The following KIAA1217 variants were observed in gnomAD, a reference collection of about 807,000 sequenced individuals.
KIAA1217 encodes the protein KIAA1217.
In KIAA1217, 88 loss-of-function variants were observed where a neutral mutation model predicts 163.9. That is an observed-to-expected ratio of 0.54 (90% CI 0.45 to 0.64). KIAA1217 has a LOEUF of 0.64. KIAA1217 is among the 30% of genes least tolerant of loss of function. The pLI is 0.00. For missense variants in KIAA1217, 2,372 were observed against 2,475.0 expected, an observed-to-expected ratio of 0.96 and a Z score of 0.88; for synonymous variants, 903 against 923.1, an observed-to-expected ratio of 0.98 and a Z score of 0.39.
intron 2 of KIAA1217, among the ~76,000 whole-genome samples, chr10:24,234,293 C>A (rs1225874549): frequency 2.0e-5 from 3 of 151,682 alleles, no homozygotes; most frequent in Non-Finnish European, 4.4e-5. Flanking sequence ...AAATCTGAAA[C>A]CTGAAACACC....
chr10:24,230,411 C>T (rs1410244409), intron 2 of KIAA1217, among the ~76,000 whole-genome samples: 2 of 151,190 alleles, frequency 1.3e-5, no homozygotes, highest in Non-Finnish European at 2.9e-5. Flanking sequence ...TGGAGCTTTT[C>T]AGATATTGAA....
At chr10:24,183,016 C>T (rs1048914565) in intron 2 of KIAA1217, among the ~76,000 whole-genome samples, 5 of 152,160 alleles carry the variant, frequency 3.3e-5, no homozygotes, top group Admixed American at 6.5e-5. Context: ...AGGCTTAGTG[C>T]CATTCTTGTC....
Position 24,235,241 on chromosome 10 carries a change from C to T in KIAA1217, c.354+15332C>T, listed in dbSNP as rs566709306. ...AGCAACATCTACACTGGTGTTTGAC[C>T]GAACAACTGGGCACCATAACCTGGC... On this transcript the variant is annotated intron_variant, in intron 2 of 20. Transcript: ENST00000376454. Among the ~76,000 whole-genome samples, 5 of 152,284 alleles carry T rather than the reference C, an allele frequency of 3.3e-5. No individual in the cohort carries two copies. In the South Asian group the frequency reaches 6.2e-4, roughly 19 times the overall value.
intron 1 of KIAA1217, among the ~76,000 whole-genome samples, chr10:23,754,282 G>A (rs1833810239): frequency 6.6e-6 from 1 of 152,196 alleles, no homozygotes; most frequent in East Asian, 1.9e-4. Context: ...AAAGGAAAGG[G>A]ACATTTCCCA....
chr10:24,538,129 AGCT>A (rs2074307618), intron 17 of KIAA1217, among the ~76,000 whole-genome samples: 1 of 152,228 alleles, frequency 6.6e-6, no homozygotes. Flanking sequence ...CATGTACGAC[AGCT>A]CAAGGAGGTA....
chr10:23,986,912 G>A (rs754803179), intron 1 of KIAA1217, among the ~76,000 whole-genome samples: 3 of 152,132 alleles, frequency 2.0e-5, no homozygotes, highest in Admixed American at 6.5e-5. Flanking sequence ...GAATACAACG[G>A]TTAGCAAAGT....
chr10:24,244,709 C>T (rs2073561500), intron 2 of KIAA1217, among the ~76,000 whole-genome samples: 1 of 151,898 alleles, frequency 6.6e-6, no homozygotes. Flanking sequence ...AGATTATAGG[C>T]ATGTGCTACC....
chr10:24,228,341 T>C (rs1486794612), intron 2 of KIAA1217, among the ~76,000 whole-genome samples: 2 of 152,030 alleles, frequency 1.3e-5, no homozygotes, highest in East Asian at 1.9e-4. Flanking sequence ...GCTGATGTAT[T>C]AATCAGGATT....
chr10:24,251,322 C>T (rs535262856), intron 2 of KIAA1217, among the ~76,000 whole-genome samples: 1 of 143,054 alleles, frequency 7.0e-6, no homozygotes, highest in Non-Finnish European at 1.5e-5. Flanking sequence ...ATCCCTTGAG[C>T]TTGGGAGATC....
chr10:23,882,138 C>A (rs1403114834), intron 1 of KIAA1217, among the ~76,000 whole-genome samples: 1 of 151,956 alleles, frequency 6.6e-6, no homozygotes, highest in Non-Finnish European at 1.5e-5. Context: ...AAACCCACCA[C>A]AATTTTGAGG....
chr10:24,205,599 C>T (rs1023786419), upstream of KIAA1217, among the ~76,000 whole-genome samples: 3 of 151,776 alleles, frequency 2.0e-5, no homozygotes, highest in Non-Finnish European at 4.4e-5. Context: ...CGGTGAAACC[C>T]CATCTCTACT....
At chr10:24,202,262 T>A (rs1049107902) in intron 2 of KIAA1217, among the ~76,000 whole-genome samples, 4 of 152,192 alleles carry the variant, frequency 2.6e-5, no homozygotes, top group Non-Finnish European at 5.9e-5. Flanking sequence ...CAGTGTTTAT[T>A]TGGCAGAGAA....
At chr10:24,205,302 CAAAAAAAAAAAAAA>C (rs61292023), upstream of KIAA1217, among the ~76,000 whole-genome samples, 2 of 36,610 alleles carry the variant, frequency 5.5e-5, no homozygotes, top group Non-Finnish European at 1.1e-4. Context: ...ACTAAAAATA[CAAAAAAAAAAAAAA>C]AAAAAAAAAA....
At position 24,494,592 on chromosome 10, in the gene KIAA1217, A is replaced by G. The variant is rs76503485; in HGVS notation, c.1772A>G (p.Lys591Arg). 3.7e-3 allele frequency: 5,874 copies of G among 1,608,710 alleles called. 18 individuals carry two copies. The highest frequency in any genetic ancestry group is 4.5e-3 in the Non-Finnish European group (5,316 of 1,175,706). Residue 591 changes from lysine to arginine, a missense_variant, in exon 7 of 21, where the codon AAA becomes AGA. By Grantham distance (26) the Lys-to-Arg change is conservative. Around this residue, in one of 3 missense-constraint regions of KIAA1217, gnomAD observed 1,431 missense variants for 1,470.3 expected, o/e 0.97. Transcript: ENST00000376454. ...LFKGPITSYSKDASSEKMMKT... is the reference protein window; with the variant it reads ...LFKGPITSYSRDASSEKMMKT... ...AAAGGGCCCATTACAAGTTATAGCA[A>G]AGATGCGTCTAGGTAAAAAAGAAGA...
chr10:24,014,877 T>C (rs558542230), intron 2 of KIAA1217, among the ~76,000 whole-genome samples: 1 of 152,230 alleles, frequency 6.6e-6, no homozygotes, highest in South Asian at 2.1e-4. Context: ...GTAATAGTCA[T>C]ACCCTTTCAT....
intron 2 of KIAA1217, among the ~76,000 whole-genome samples, chr10:24,310,418 T>A (rs1287465813): frequency 6.6e-6 from 1 of 152,228 alleles, no homozygotes; most frequent in East Asian, 1.9e-4. Context: ...TCTGAGTGAC[T>A]AAAGCCTTAG....
chr10:23,704,172 G>GTGTGTGTGTGTGTGTATA (rs1229370789), intron 1 of KIAA1217, among the ~76,000 whole-genome samples: 2 of 39,944 alleles, frequency 5.0e-5, no homozygotes, highest in African/African-American at 2.7e-4. Context: ...GTGTGTGTGT[G>GTGTGTGTGTGTGTGTATA]TATATATATA....
intron 1 of KIAA1217, among the ~76,000 whole-genome samples, chr10:23,955,501 A>AT (rs2131363217): frequency 6.6e-6 from 1 of 152,216 alleles, no homozygotes; most frequent in East Asian, 1.9e-4. Context: ...ATTGTCTTGG[A>AT]TTCTATTCTT....
chr10:24,397,912 A>G (rs1247288488), intron 3 of KIAA1217, among the ~76,000 whole-genome samples: 1 of 152,182 alleles, frequency 6.6e-6, no homozygotes, highest in Non-Finnish European at 1.5e-5. Context: ...AATCAGGATC[A>G]TCTCATCTGG....
Sources: gnomAD v4.1 joint callset for allele counts (sites outside exome capture counted in the v4.1 genomes callset) on GRCh38, gnomAD v4.1.1 for gene constraint, gnomAD v4.1.1 regional missense constraint, MANE v1.5 for transcripts, NCBI Gene and HGNC (gene_info 2026-07-23, HGNC 2026-07-21) for gene names.